The following EFTUD2 variants were observed in gnomAD, a reference collection of about 807,000 sequenced individuals.
The protein encoded by EFTUD2 is elongation factor Tu GTP binding domain containing 2.
Under a neutral mutation model 114.3 loss-of-function variants are expected in EFTUD2, and 9 were observed. The ratio of observed to expected loss-of-function variants is 0.08; its 90% confidence interval spans 0.05 to 0.14. The LOEUF (loss-of-function observed/expected upper bound fraction) is 0.14, where lower values mean the gene tolerates loss of function less well. Ranked by LOEUF, EFTUD2 falls within the 10% of genes least tolerant of loss-of-function variation. The pLI, the probability that EFTUD2 is intolerant of heterozygous loss-of-function variation, is 1.00. For synonymous variants in EFTUD2, 449 were observed against 462.3 expected (o/e 0.97, Z 0.37); for missense variants, 765 against 1,241.2 (o/e 0.62, Z 5.76).
intron 5 of EFTUD2, 32 bp from the exon 6 acceptor site, chr17:44,883,190 A>C: frequency 6.2e-7 from 1 of 1,609,186 alleles, no homozygotes; most frequent in Non-Finnish European, 8.5e-7. Context: ...ACATCTGCCG[A>C]CCACAGAGGA....
At chr17:44,881,154 A>G (rs2051065624) in intron 7 of EFTUD2, among the ~76,000 whole-genome samples, 1 of 152,218 alleles carries the variant, frequency 6.6e-6, no homozygotes, top group African/African-American at 2.4e-5. Context: ...AACCATACTT[A>G]TTATACTTAA....
chr17:44,851,159 A>G lies in EFTUD2; in HGVS notation c.*115T>C, dbSNP rs555350838. ...TTGGTGAGTTGTTCAAGATGGCAAC[A>G]GCAGCTTCCAGACACTCTCTGACAA... On this transcript the variant is annotated 3_prime_UTR_variant, in exon 28 of 28. Transcript: ENST00000426333. 530 of 841,872 alleles carry G rather than the reference A, an allele frequency of 6.3e-4. 1 individual carries two copies. Among genetic ancestry groups the G allele is most frequent in the Non-Finnish European group, 9.6e-4 (484 of 502,098 alleles). 52.2% of individuals were successfully genotyped at this position (841,872 alleles called of 1,614,324 possible). A position where few individuals can be genotyped will look rare whatever the true frequency, so the allele number is the denominator to read the frequency against.
intron 11 of EFTUD2, among the ~76,000 whole-genome samples, chr17:44,869,090 G>A (rs954151743): frequency 2.0e-5 from 3 of 152,100 alleles, no homozygotes; most frequent in Non-Finnish European, 2.9e-5. Context: ...GGCTTTTCCC[G>A]AAAGTCACAT....
At chr17:44,852,226 C>CT (rs879900558) in intron 26 of EFTUD2, among the ~76,000 whole-genome samples, 183 bp downstream of exon 26, 77 of 145,056 alleles carry the variant, frequency 5.3e-4, no homozygotes, top group Middle Eastern at 3.5e-3. Flanking sequence ...CCTATTATTT[C>CT]TTTTTTTTTT....
In EFTUD2 at chr17:44,890,338, T is replaced by C. The variant is rs573637802; in HGVS notation, c.106-3588A>G. The stretch of plus-strand genomic sequence containing the variant: ...CCCAGCCTTAGAAGGGACATCTTTC[T>C]TTCCTGTCCCCATTACCAAAATCTA... On this transcript the variant is annotated intron_variant, in intron 2 of 27. Coordinates refer to ENST00000426333, the MANE Select transcript of EFTUD2 (RefSeq NM_004247.4). Among the ~76,000 whole-genome samples the C allele has an allele frequency of 7.2e-4, 110 of 151,748 alleles. 1 individual carries two copies. Among genetic ancestry groups the C allele is most frequent in the East Asian group, 5.9e-4 (3 of 5,122 alleles).
At position 44,854,039 on chromosome 17, in the gene EFTUD2, C is replaced by T; in HGVS notation, c.2347+230G>A. The T allele has an allele frequency of 7.3e-7, 1 of 1,377,518 alleles. No homozygotes were observed. Among genetic ancestry groups the T allele is most frequent in the Non-Finnish European group, 9.3e-7 (1 of 1,070,746 alleles). The allele number at this position is 1,377,518 out of a possible 1,614,324, so 85.3% of individuals were successfully genotyped here. A position where few individuals can be genotyped will look rare whatever the true frequency, so the allele number is the denominator to read the frequency against. ...AATACGTCCAACGCCAAACCCTTCT[C>T]AGAAATGAGGAGCAAATGACAGTTT... On this transcript the variant is annotated intron_variant, in intron 23 of 27. Coordinates refer to ENST00000426333, the MANE Select transcript of EFTUD2 (RefSeq NM_004247.4). This position sits in a 1 kb window ranked among gnomAD's most constrained non-coding sequence, Gnocchi z 4.3.
rs1290051048 is a variant in EFTUD2 at position 44,894,670 on chromosome 17, TC to T, written c.-4-146del. ...CCAGTGACATCAACCTACTGAATGCTCCTCCCAAAGCCCAGTACTTTCCCCA... is the reference window on the plus strand; with the variant it reads ...CCAGTGACATCAACCTACTGAATGCTCTCCCAAAGCCCAGTACTTTCCCCA... On this transcript the variant is annotated intron_variant, in intron 1 of 27. Transcript: ENST00000426333. The T allele has an allele frequency of 1.4e-5, 9 of 643,540 alleles. No individual in the cohort carries two copies. In the Admixed American group the frequency reaches 1.8e-4, roughly 13 times the overall value. 39.9% of individuals were successfully genotyped at this position (643,540 alleles called of 1,614,324 possible).
intron 10 of EFTUD2, among the ~76,000 whole-genome samples, chr17:44,873,918 T>G (rs2050900546): frequency 6.6e-6 from 1 of 150,948 alleles, no homozygotes; most frequent in African/African-American, 2.4e-5. Context: ...TATTTTTTAG[T>G]AGAGATGGGG....
chr17:44,862,581 G>C (rs1326200099), intron 16 of EFTUD2, 132 bp downstream of exon 16: 1 of 812,198 alleles, frequency 1.2e-6, no homozygotes, highest in African/African-American at 1.7e-5. Context: ...GCCCTGCGGA[G>C]GGAGAGCCAC....
chr17:44,850,574 G>T lies in EFTUD2; in HGVS notation c.*700C>A. On this transcript the variant is annotated 3_prime_UTR_variant, in exon 28 of 28. Coordinates refer to ENST00000426333, the MANE Select transcript of EFTUD2 (RefSeq NM_004247.4). ...AATGGCTGGAAATCAAAGTGCTCTG[G>T]CCCCCTACTCCAGGGCAAGGAAGAT... is the stretch of plus-strand genomic sequence containing the variant. The T allele has an allele frequency of 1.8e-6, 1 of 544,820 alleles. No homozygotes were observed. The allele number at this position is 544,820 out of a possible 1,614,324, so 33.7% of individuals were successfully genotyped here.
intron 11 of EFTUD2, 67 bp downstream of exon 11, chr17:44,872,379 C>T (rs1030371200): frequency 1.3e-6 from 2 of 1,595,976 alleles, no homozygotes; most frequent in African/African-American, 1.3e-5. Context: ...ATTTCTGAGT[C>T]ATTCAGCAGG....
intron 9 of EFTUD2, among the ~76,000 whole-genome samples, chr17:44,876,582 G>A (rs2050953804): frequency 6.6e-6 from 1 of 152,148 alleles, no homozygotes; most frequent in Non-Finnish European, 1.5e-5. Flanking sequence ...GCCGGGCACA[G>A]TGGCTCATGC....
chr17:44,869,244 C>T (rs1324526120), intron 11 of EFTUD2, among the ~76,000 whole-genome samples: 1 of 152,234 alleles, frequency 6.6e-6, no homozygotes, highest in Non-Finnish European at 1.5e-5. Context: ...TTTCCTTCCT[C>T]TGAACCACTG....
At chr17:44,872,741 C>T (rs2050878495) in intron 10 of EFTUD2, 171 bp from the exon 11 acceptor site, 6 of 648,312 alleles carry the variant, frequency 9.3e-6, no homozygotes, top group Non-Finnish European at 1.4e-5. Context: ...CATGATGGAG[C>T]TGTTCCCCTA....
intron 3 of EFTUD2, 114 bp from the exon 4 acceptor site, chr17:44,885,448 T>C (rs1459145733): frequency 1.0e-5 from 8 of 772,424 alleles, no homozygotes; most frequent in Admixed American, 2.1e-5. Context: ...ATCAATTTAT[T>C]TTACTCTCAA....
At chr17:44,898,087 T>C (rs1157165118) in intron 1 of EFTUD2, among the ~76,000 whole-genome samples, 3 of 152,222 alleles carry the variant, frequency 2.0e-5, no homozygotes, top group East Asian at 3.8e-4. Context: ...CAAGGACCAA[T>C]AATTAAATGT....
chr17:44,889,599 A>G (rs2051241620), intron 2 of EFTUD2, among the ~76,000 whole-genome samples: 1 of 152,236 alleles, frequency 6.6e-6, no homozygotes, highest in Non-Finnish European at 1.5e-5. Context: ...AAGGGAAGGC[A>G]TCGTATATGA....
At chr17:44,871,185 C>T (rs2050847278) in intron 11 of EFTUD2, among the ~76,000 whole-genome samples, 1 of 151,758 alleles carries the variant, frequency 6.6e-6, no homozygotes, top group African/African-American at 2.4e-5. Flanking sequence ...ATCATGCCCA[C>T]CTAATTTTTT....
At position 44,851,297 on chromosome 17, in the gene EFTUD2, C is replaced by A. The variant is rs1367851927; in HGVS notation, c.2896G>T (p.Val966Phe). 6.2e-7 allele frequency: 1 copy of A among 1,614,062 alleles called. No homozygotes were observed. Among genetic ancestry groups the A allele is most frequent in the Admixed American group, 1.7e-5 (1 of 60,010 alleles). The change falls in exon 28 of 28, where the codon GTT (valine) becomes TTT (phenylalanine). Residue 966 changes from valine (V) to phenylalanine (F), a missense_variant. Physicochemically the swap from Val to Phe is conservative, Grantham distance 50. This residue lies in a region of EFTUD2 where 166 missense variants were observed against 401.5 expected (regional missense o/e 0.41). Transcript: ENST00000426333. ...ACTCACATGGGGTAATTGAGCACAA[C>A]ATCCTGTTTGGCAAGTTCCAGCAAC... ...PMLLELAKQD[V>F]VLNYPM
Sources: gnomAD v4.1 joint callset for allele counts (sites outside exome capture counted in the v4.1 genomes callset) on GRCh38, gnomAD v4.1.1 for gene constraint, gnomAD v4.1.1 regional missense constraint, Gnocchi (gnomAD v3.1) non-coding constraint, MANE v1.5 for transcripts, NCBI Gene and HGNC (gene_info 2026-07-23, HGNC 2026-07-21) for gene names.